ADCY6: variants seen among roughly 807,000 people sequenced by gnomAD.
ADCY6 encodes the protein adenylate cyclase 6.
In ADCY6, 59 loss-of-function variants were observed where a neutral mutation model predicts 111.6. The observed-to-expected ratio is 0.53, with a 90% CI of 0.43 to 0.66. The LOEUF (loss-of-function observed/expected upper bound fraction) is 0.66. ADCY6 is among the 30% of genes least tolerant of loss of function. The pLI is 0.00. For synonymous variants in ADCY6, 576 were observed against 642.9 expected, an observed-to-expected ratio of 0.90 and a Z score of 1.57; for missense variants, 1,242 against 1,595.6, an observed-to-expected ratio of 0.78 and a Z score of 3.78.
intron 2 of ADCY6, among the ~76,000 whole-genome samples, chr12:48,781,218 C>CA (rs367888978): frequency 0.021 from 3,169 of 150,176 alleles, 106 homozygotes; most frequent in African/African-American, 0.074. Context: ...AAAAAAACCA[C>CA]AAAAAAAACA....
chr12:48,772,159 G>T, intron 18 of ADCY6, 136 bp downstream of exon 18: 1 of 1,416,782 alleles, frequency 7.1e-7, no homozygotes, highest in Non-Finnish European at 9.4e-7. Flanking sequence ...TAAGGGATGG[G>T]CACAGAGAAG....
chr12:48,783,214 C>G lies in ADCY6; in HGVS notation c.221G>C (p.Gly74Ala). Residue 74 changes from glycine (G) to alanine (A), a missense_variant, in exon 2 of 22, where the codon GGC becomes GCC. Physicochemically the swap from Gly to Ala is moderately conservative, Grantham distance 60. Transcript: ENST00000357869. ...CAGCTCCTTGCCCTTGCCTGGGCCGCCCCTCCGGATGAAGGCGTCATCCTG... is the reference window on the plus strand; with the variant it reads ...CAGCTCCTTGCCCTTGCCTGGGCCGGCCCTCCGGATGAAGGCGTCATCCTG... ...PWQDDAFIRR[G>A]GPGKGKELGL... is the part of the protein sequence containing the mutation. 6.2e-7 allele frequency: 1 copy of G among 1,607,552 alleles called. No individual in the cohort carries two copies. The highest frequency in any genetic ancestry group is 8.5e-7 in the Non-Finnish European group (1 of 1,179,624).
In ADCY6 at chr12:48,786,887, A is replaced by C. The variant is rs565486352; in HGVS notation, c.-5+2019T>G. Among the ~76,000 whole-genome samples the C allele has an allele frequency of 1.6e-4, 25 of 152,362 alleles. 1 individual carries two copies. The highest frequency in any genetic ancestry group is 1.4e-3 in the South Asian group (7 of 4,830). ...GCAAGTTATTTAACCTCTCTGTGTCAGTACCTTCATCTGCAAAATGGAAAT... is the reference window on the plus strand; with the variant it reads ...GCAAGTTATTTAACCTCTCTGTGTCCGTACCTTCATCTGCAAAATGGAAAT... On this transcript the variant is annotated intron_variant, in intron 1 of 21. Transcript: ENST00000357869.
In ADCY6 at chr12:48,772,295, C is replaced by T; in HGVS notation, c.2787G>A (p.Gln929=). 4 of 1,612,302 alleles carry T rather than the reference C, an allele frequency of 2.5e-6. No homozygotes were observed. The highest frequency in any genetic ancestry group is 3.4e-6 in the Non-Finnish European group (4 of 1,179,036). The change falls in exon 18 of 22, where the codon CAG becomes CAA. Residue 929 remains glutamine (Q), a splice_region_variant and synonymous_variant. Coordinates refer to ENST00000357869, the MANE Select transcript of ADCY6 (RefSeq NM_015270.5). ...TARLDFLWKL[Q]ATGEKEEMEE... is the part of the protein sequence containing the mutation. ...TTCCCCCAAAGGCCCACACAGTCAC[C>T]TGTAGTTTCCAGAGGAAGTCTAGGC...
intron 1 of ADCY6, among the ~76,000 whole-genome samples, chr12:48,784,736 G>A (rs182307407): frequency 0.02 from 2,780 of 140,658 alleles, 42 homozygotes; most frequent in Non-Finnish European, 0.029. Flanking sequence ...GCAGTGGCAC[G>A]ATCTTGGCTC....
At position 48,767,757 on chromosome 12, in the gene ADCY6, C is replaced by T. The variant is rs1228032207; in HGVS notation, c.*834G>A. On this transcript the variant is annotated 3_prime_UTR_variant, in exon 22 of 22. Coordinates refer to ENST00000357869, the MANE Select transcript of ADCY6 (RefSeq NM_015270.5). The stretch of plus-strand genomic sequence containing the variant: ...CCCGACGGGGTCCTCAGATCAGAGT[C>T]TGGCACTGCCCCAGCCCTGGCCGGC... 6.5e-6 allele frequency: 1 copy of T among 152,774 alleles called. No homozygotes were observed. The highest frequency in any genetic ancestry group is 2.4e-5 in the African/African-American group (1 of 41,460). The allele number at this position is 152,774 out of a possible 1,614,324, so 9.5% of individuals were successfully genotyped here.
Position 48,782,739 on chromosome 12 carries a change from C to T in ADCY6, c.696G>A (p.Pro232=), listed in dbSNP as rs1266375350. 2 of 1,603,422 alleles carry T rather than the reference C, an allele frequency of 1.2e-6. No individual in the cohort carries two copies. Among genetic ancestry groups the T allele is most frequent in the Admixed American group, 1.7e-5 (1 of 58,124 alleles). The change falls in exon 2 of 22, where the codon CCG becomes CCA. Residue 232 remains proline (P), a synonymous_variant. Transcript: ENST00000357869. This position sits in a 1 kb window ranked among gnomAD's most constrained non-coding sequence, Gnocchi z 4.3. ...ACCAGAGGCCCGCAGAGGGGCTGCG[C>T]GGGTCTGCTGCGAGAGCGCCCCCGA... ...VQVGGALAAD[P]RSPSAGLWCP...
intron 20 of ADCY6, 29 bp from the exon 21 acceptor site, chr12:48,769,090 G>A (rs542296341): frequency 2.4e-5 from 38 of 1,591,496 alleles, no homozygotes; most frequent in Middle Eastern, 3.3e-4. Context: ...CAAGAGACTA[G>A]TGGATGCTCC....
rs893588770 is a variant in ADCY6, at chr12:48,774,280, C to T, written c.2283+122G>A. On this transcript the variant is annotated intron_variant, in intron 14 of 21. Transcript: ENST00000357869. ...GGAAGGAGAACCGGAGTTAACCTTC[C>T]CCTATTCTGGGAGGGGGCTCCCTGA... 50 of 1,135,742 alleles carry T rather than the reference C, an allele frequency of 4.4e-5. 1 individual carries two copies. In the Middle Eastern group the frequency reaches 1.9e-3, roughly 42 times the overall value. The allele number at this position is 1,135,742 out of a possible 1,614,324, so 70.4% of individuals were successfully genotyped here.
At chr12:48,770,134 G>A (rs931648656) in intron 20 of ADCY6, among the ~76,000 whole-genome samples, 6 of 141,100 alleles carry the variant, frequency 4.3e-5, no homozygotes, top group African/African-American at 1.3e-4. Context: ...TTGAACTCCC[G>A]ACCTCATGAT....
At position 48,776,212 on chromosome 12, in the gene ADCY6, T is replaced by C. The variant is rs982410225; in HGVS notation, c.1674A>G (p.Lys558=). 1.2e-6 allele frequency: 2 copies of C among 1,614,060 alleles called. No individual in the cohort carries two copies. The highest frequency in any genetic ancestry group is 2.7e-5 in the African/African-American group (2 of 74,942). ...CCAGCCCTGCCCTGGCCCTGACCCG[T>C]TTCTGGCTGGCGCCCAGGATGAGGA... ...ETFLILGASQ[K]RKEEKAMLAK... is the part of the protein sequence containing the mutation. Residue 558 remains lysine (K), a synonymous_variant, in exon 8 of 22, where the codon AAA becomes AAG. Coordinates refer to ENST00000357869, the MANE Select transcript of ADCY6 (RefSeq NM_015270.5). This position sits in a 1 kb window ranked among gnomAD's most constrained non-coding sequence, Gnocchi z 6.1.
intron 1 of ADCY6, among the ~76,000 whole-genome samples, chr12:48,787,370 G>C (rs1354674710): frequency 6.6e-6 from 1 of 152,002 alleles, no homozygotes; most frequent in East Asian, 1.9e-4. Flanking sequence ...AGGGGCAAAT[G>C]CTATCCAGGA....
chr12:48,785,679 C>T (rs573495019), intron 1 of ADCY6, among the ~76,000 whole-genome samples: 27 of 152,252 alleles, frequency 1.8e-4, no homozygotes, highest in African/African-American at 5.8e-4. Context: ...GATGGATGGA[C>T]GAATGATACT....
At chr12:48,772,594 G>A in intron 16 of ADCY6, 51 bp from the exon 17 acceptor site, 1 of 1,607,056 alleles carries the variant, frequency 6.2e-7, no homozygotes, top group Non-Finnish European at 8.5e-7. Flanking sequence ...TGGATTGCTG[G>A]GTGGGCACAT....
rs1297892189 is a variant in ADCY6, at chr12:48,771,105, T to G, written c.3052-135A>C. On this transcript the variant is annotated intron_variant, in intron 19 of 21. Coordinates refer to ENST00000357869, the MANE Select transcript of ADCY6 (RefSeq NM_015270.5). The surrounding 1 kb of genome is among the most constrained non-coding windows in gnomAD (Gnocchi z 4.3). The stretch of plus-strand genomic sequence containing the variant: ...AAGAGCCCCCTTCCAGCTGCTGCTA[T>G]CAGTGTAAGACTGAGGAGCTGGGAA... 1.1e-6 allele frequency: 1 copy of G among 892,220 alleles called. No individual in the cohort carries two copies. The highest frequency in any genetic ancestry group is 2.2e-5 in the Admixed American group (1 of 44,824). 55.3% of individuals were successfully genotyped at this position (892,220 alleles called of 1,614,324 possible).
rs1941519022 is a variant in ADCY6, at chr12:48,770,876, T to C, written c.3146A>G (p.Asp1049Gly). Residue 1049 changes from aspartate (D) to glycine (G), a missense_variant, in exon 20 of 22, where the codon GAT becomes GGT. Asp to Gly is a moderately conservative substitution (Grantham distance 94). Around this residue, in one of 4 missense-constraint regions of ADCY6, gnomAD observed 245 missense variants for 371.3 expected, o/e 0.66. Coordinates refer to ENST00000357869, the MANE Select transcript of ADCY6 (RefSeq NM_015270.5). The stretch of plus-strand genomic sequence containing the variant: ...AGTGATGTGGGAGCGGCCCACCTGA[T>C]CGTAGGTGCTGGCGTTCAGCCCTGA... ...AASGLNASTY[D>G]QVGRSHITAL... is the part of the protein sequence containing the mutation. 3 of 1,614,124 alleles carry C rather than the reference T, an allele frequency of 1.9e-6. No homozygotes were observed. Among genetic ancestry groups the C allele is most frequent in the Non-Finnish European group, 1.7e-6 (2 of 1,180,062 alleles).
chr12:48,771,049 G>T lies in ADCY6; in HGVS notation c.3052-79C>A. 9 of 1,381,476 alleles carry T rather than the reference G, an allele frequency of 6.5e-6. No individual in the cohort carries two copies. The South Asian group carries it at 8.9e-5, about 14-fold the overall frequency. 85.6% of individuals were successfully genotyped at this position (1,381,476 alleles called of 1,614,324 possible). On this transcript the variant is annotated intron_variant, in intron 19 of 21. Coordinates refer to ENST00000357869, the MANE Select transcript of ADCY6 (RefSeq NM_015270.5). This position sits in a 1 kb window ranked among gnomAD's most constrained non-coding sequence, Gnocchi z 4.3. ...TGCCCCAACACTCATTTCTTGCCACGCCTTGGCTGCCTTCCCCACTTCCCT... is the reference window on the plus strand; with the variant it reads ...TGCCCCAACACTCATTTCTTGCCACTCCTTGGCTGCCTTCCCCACTTCCCT...
intron 1 of ADCY6, 125 bp from the exon 2 acceptor site, chr12:48,783,563 G>A: frequency 6.6e-7 from 1 of 1,515,748 alleles, no homozygotes; most frequent in Admixed American, 2.2e-5. Context: ...CAAGCTATGA[G>A]TTTCATCCTC....
In ADCY6 at chr12:48,772,471, T is replaced by C. The variant is rs372514780; in HGVS notation, c.2657+37A>G. On this transcript the variant is annotated intron_variant, in intron 17 of 21. Transcript: ENST00000357869. ...CTTGGTGTCTGAAGGAGGCATCTAA[T>C]GGCTCTACCCTTTGCTGCCTCGGAG... 6.8e-6 allele frequency: 11 copies of C among 1,614,110 alleles called. No homozygotes were observed. The African/African-American group carries it at 1.2e-4, about 18-fold the overall frequency.
Sources: allele counts gnomAD v4.1 joint callset (sites outside exome capture counted in the v4.1 genomes callset), GRCh38; gene constraint gnomAD v4.1.1; regional missense constraint gnomAD v4.1.1; non-coding constraint Gnocchi (gnomAD v3.1); transcripts MANE v1.5; gene names NCBI Gene and HGNC (gene_info 2026-07-23, HGNC 2026-07-21).